The following SRRM4 variants were observed in gnomAD, a reference collection of about 807,000 sequenced individuals.
The protein encoded by SRRM4 is serine/arginine repetitive matrix protein 4.
A neutral mutation model predicts 68.9 loss-of-function variants in SRRM4; 33 were observed. The observed-to-expected ratio is 0.48, with a 90% CI of 0.36 to 0.64. SRRM4 has a LOEUF of 0.64. SRRM4 is among the 30% of genes least tolerant of loss of function. The probability of loss-of-function intolerance (pLI) is 0.00; values close to 1 mark genes in which losing one functional copy is unlikely to be tolerated. For missense variants in SRRM4, 817 were observed against 827.1 expected (o/e 0.99, Z 0.15); for synonymous variants, 318 against 318.8 (o/e 1.00, Z 0.03).
chr12:119,087,897 C>A (rs1232203906), intron 1 of SRRM4, among the ~76,000 whole-genome samples: 1 of 152,144 alleles, frequency 6.6e-6, no homozygotes, highest in African/African-American at 2.4e-5. Flanking sequence ...GCCACTGCAC[C>A]TCTCTGAGCC....
At chr12:119,020,882 A>G (rs78367470) in intron 1 of SRRM4, among the ~76,000 whole-genome samples, 4,699 of 152,324 alleles carry the variant, frequency 0.031, 99 homozygotes, top group Non-Finnish European at 0.046. Flanking sequence ...GTTCTCTTCC[A>G]ACGAGAGAAT....
At chr12:119,104,101 T>C (rs1185679296) in intron 2 of SRRM4, among the ~76,000 whole-genome samples, 1 of 152,196 alleles carries the variant, frequency 6.6e-6, no homozygotes, top group Non-Finnish European at 1.5e-5. Flanking sequence ...CAAGTTTCTT[T>C]TCCTCCATGG....
At chr12:119,015,582 AT>A (rs1953476024) in intron 1 of SRRM4, among the ~76,000 whole-genome samples, 1 of 151,824 alleles carries the variant, frequency 6.6e-6, no homozygotes, top group Admixed American at 6.6e-5. Context: ...TGTATTTTGA[AT>A]TTTTAAAATA....
At chr12:119,079,754 T>C (rs1235749054) in intron 1 of SRRM4, among the ~76,000 whole-genome samples, 1 of 152,178 alleles carries the variant, frequency 6.6e-6, no homozygotes, top group African/African-American at 2.4e-5. Context: ...GTGCTGGTTA[T>C]TATGCCCGAT....
At chr12:119,028,012 C>G (rs1953560530) in intron 1 of SRRM4, among the ~76,000 whole-genome samples, 1 of 152,196 alleles carries the variant, frequency 6.6e-6, no homozygotes, top group Non-Finnish European at 1.5e-5. Context: ...CGTGTTGTTG[C>G]TAATACTTAG....
At chr12:119,139,890 A>C (rs1954353968) in intron 8 of SRRM4, among the ~76,000 whole-genome samples, 1 of 152,128 alleles carries the variant, frequency 6.6e-6, no homozygotes, top group African/African-American at 2.4e-5. Context: ...CATTTAAAAA[A>C]TTTAATTATT....
rs1227537612 is a variant in SRRM4, at chr12:119,153,547, C to A, written c.1289C>A (p.Ser430Tyr). ...RSTSSEKRSYSRSPSYSSKSG... is the reference protein window; with the variant it reads ...RSTSSEKRSYYRSPSYSSKSG... ...TGTTACCTCTCCCCCAGGTCCTACT[C>A]CCGCTCTCCCAGCTATTCCTCCAAG... is the stretch of plus-strand genomic sequence containing the variant. Residue 430 changes from serine to tyrosine, a missense_variant, in exon 11 of 13, where the codon TCC becomes TAC. Transcript: ENST00000267260. 1 of 1,568,034 alleles carries A rather than the reference C, an allele frequency of 6.4e-7. No individual in the cohort carries two copies. The highest frequency in any genetic ancestry group is 1.9e-5 in the Admixed American group (1 of 53,744).
intron 1 of SRRM4, among the ~76,000 whole-genome samples, chr12:119,061,859 G>A (rs1037841684): frequency 6.6e-6 from 1 of 151,930 alleles, no homozygotes; most frequent in Non-Finnish European, 1.5e-5. Context: ...TTCCCCAGTT[G>A]TGACAACCAA....
At chr12:118,997,955 CA>C (rs1278636151) in intron 1 of SRRM4, among the ~76,000 whole-genome samples, 2 of 152,076 alleles carry the variant, frequency 1.3e-5, no homozygotes, top group Non-Finnish European at 2.9e-5. Context: ...TTTTAACTAC[CA>C]CGTCCTACTG....
intron 1 of SRRM4, among the ~76,000 whole-genome samples, chr12:119,006,775 C>T (rs1428313933): frequency 3.9e-5 from 6 of 152,212 alleles, no homozygotes; most frequent in Non-Finnish European, 8.8e-5. Flanking sequence ...TGGTCAAATG[C>T]GACCATAAGC....
chr12:119,067,033 T>A (rs1317874854), intron 1 of SRRM4, among the ~76,000 whole-genome samples: 1 of 152,224 alleles, frequency 6.6e-6, no homozygotes, highest in Non-Finnish European at 1.5e-5. Flanking sequence ...TAATGACCTA[T>A]GCATGGCCTC....
rs531944914 is a variant in SRRM4 at position 119,067,038 on chromosome 12, G to A, written c.132-35198G>A. On this transcript the variant is annotated intron_variant, in intron 1 of 12. Coordinates refer to ENST00000267260, the MANE Select transcript of SRRM4 (RefSeq NM_194286.4). ...AGGTAAAGTCTAATGACCTATGCATGGCCTCCAGGCTCTGCCCTTCTAGTC... is the reference window on the plus strand; with the variant it reads ...AGGTAAAGTCTAATGACCTATGCATAGCCTCCAGGCTCTGCCCTTCTAGTC... Among the ~76,000 whole-genome samples, 5 of 152,240 alleles carry A rather than the reference G, an allele frequency of 3.3e-5. No individual in the cohort carries two copies. The South Asian group carries it at 1.0e-3, about 32-fold the overall frequency.
intron 1 of SRRM4, among the ~76,000 whole-genome samples, chr12:119,075,580 G>GTT (rs1345571849): frequency 1.4e-5 from 2 of 147,260 alleles, no homozygotes; most frequent in Admixed American, 6.7e-5. Context: ...TGGTGATGAT[G>GTT]GTGATGATGA....
intron 1 of SRRM4, among the ~76,000 whole-genome samples, chr12:118,998,268 C>CAAAAAAAAAAAAAAAAAAAAAAA (rs35250419): frequency 5.5e-5 from 2 of 36,576 alleles, no homozygotes; most frequent in African/African-American, 1.2e-4. Flanking sequence ...AGCAATATGG[C>CAAAAAAAAAAAAAAAAAAAAAAA]AAAAAAAAAA....
intron 1 of SRRM4, among the ~76,000 whole-genome samples, chr12:119,027,183 A>T (rs1953554151): frequency 6.6e-6 from 1 of 152,230 alleles, no homozygotes; most frequent in South Asian, 2.1e-4. Context: ...ATCATGGAGC[A>T]CCAACTAAAC....
At chr12:119,102,481 C>A in intron 2 of SRRM4, 99 bp downstream of exon 2, 2 of 922,858 alleles carry the variant, frequency 2.2e-6, no homozygotes, top group Non-Finnish European at 3.2e-6. Flanking sequence ...CTCTTTCAAA[C>A]CCTTAAATCA....
At chr12:119,081,514 G>A (rs1317421181) in intron 1 of SRRM4, among the ~76,000 whole-genome samples, 2 of 152,218 alleles carry the variant, frequency 1.3e-5, no homozygotes, top group Admixed American at 1.3e-4. Context: ...AAAGGAGCAG[G>A]AAGTGAGGTC....
chr12:119,116,870 T>C, intron 3 of SRRM4, 67 bp from the exon 4 acceptor site: 2 of 1,417,550 alleles, frequency 1.4e-6, no homozygotes. Context: ...CTGGGGAAGG[T>C]TCTTTTTGAA....
intron 1 of SRRM4, among the ~76,000 whole-genome samples, chr12:119,015,360 A>T (rs1953474874): frequency 6.6e-6 from 1 of 152,182 alleles, no homozygotes; most frequent in African/African-American, 2.4e-5. Context: ...TGCTATTGAC[A>T]TTGCTTACTC....
Sources: allele counts gnomAD v4.1 joint callset (sites outside exome capture counted in the v4.1 genomes callset), GRCh38; gene constraint gnomAD v4.1.1; transcripts MANE v1.5; gene names NCBI Gene and HGNC (gene_info 2026-07-23, HGNC 2026-07-21).